The following LRRC4C variants were observed in gnomAD, a reference collection of about 807,000 sequenced individuals.
LRRC4C encodes the protein leucine-rich repeat-containing protein 4C.
Under a neutral mutation model 33.6 loss-of-function variants are expected in LRRC4C, and 5 were observed. The ratio of observed to expected loss-of-function variants is 0.15; its 90% CI spans 0.08 to 0.31. The LOEUF (loss-of-function observed/expected upper bound fraction) is 0.31, where lower values mean the gene tolerates loss of function less well. Ranked by LOEUF, LRRC4C falls within the 10% of genes least tolerant of loss-of-function variation. The pLI, the probability that LRRC4C is intolerant of heterozygous loss-of-function variation, is 1.00. For missense variants in LRRC4C, 560 were observed against 796.7 expected, an observed-to-expected ratio of 0.70 and a Z score of 3.58; for synonymous variants, 329 against 302.0, an observed-to-expected ratio of 1.09 and a Z score of -0.93.
chr11:40,290,128 G>C (rs577882440), intron 4 of LRRC4C, among the ~76,000 whole-genome samples: 5 of 152,230 alleles, frequency 3.3e-5, no homozygotes, highest in Non-Finnish European at 7.4e-5. Flanking sequence ...GTGAAGCCAG[G>C]AACTCAACTA....
chr11:41,163,729 A>G (rs1016569256), intron 1 of LRRC4C, among the ~76,000 whole-genome samples: 5 of 151,872 alleles, frequency 3.3e-5, no homozygotes, highest in Admixed American at 6.6e-5. Flanking sequence ...CTCCTGCCTC[A>G]GCTTTCTGAG....
intron 4 of LRRC4C, among the ~76,000 whole-genome samples, chr11:40,247,337 A>G (rs1866422521): frequency 1.3e-5 from 2 of 152,142 alleles, no homozygotes; most frequent in African/African-American, 2.4e-5. Flanking sequence ...GCCTACCAGG[A>G]AGGCTAGAAT....
intron 3 of LRRC4C, among the ~76,000 whole-genome samples, chr11:40,607,738 C>A (rs1456240723): frequency 6.6e-6 from 1 of 152,194 alleles, no homozygotes; most frequent in Non-Finnish European, 1.5e-5. Context: ...AGAAAGCCCT[C>A]TCTCCTTGTG....
chr11:41,378,558 C>T (rs756664861), intron 1 of LRRC4C, among the ~76,000 whole-genome samples: 2 of 152,060 alleles, frequency 1.3e-5, no homozygotes, highest in South Asian at 2.1e-4. Flanking sequence ...AATATCCATG[C>T]GGTATGCTCA....
At chr11:40,441,783 A>C (rs116248693) in intron 3 of LRRC4C, among the ~76,000 whole-genome samples, 2,282 of 152,318 alleles carry the variant, frequency 0.015, 37 homozygotes, top group African/African-American at 0.052. Context: ...ATGAATGTGA[A>C]AATTCTCCAG....
intron 2 of LRRC4C, among the ~76,000 whole-genome samples, chr11:40,764,505 A>G (rs1298209076): frequency 6.6e-6 from 1 of 152,136 alleles, no homozygotes; most frequent in African/African-American, 2.4e-5. Context: ...CCCAGACAGC[A>G]TTTTGGGATC....
At chr11:40,370,874 A>C (rs1326860544) in intron 3 of LRRC4C, among the ~76,000 whole-genome samples, 1 of 152,224 alleles carries the variant, frequency 6.6e-6, no homozygotes, top group Admixed American at 6.5e-5. Context: ...TTTTAAATTC[A>C]CTGCAGTTAT....
chr11:41,167,197 A>G (rs930514203), intron 1 of LRRC4C, among the ~76,000 whole-genome samples: 3 of 152,208 alleles, frequency 2.0e-5, no homozygotes, highest in Non-Finnish European at 2.9e-5. Flanking sequence ...AACACTTACT[A>G]GATCTTTCAT....
At chr11:41,392,746 G>C (rs1953653773) in intron 1 of LRRC4C, among the ~76,000 whole-genome samples, 1 of 151,808 alleles carries the variant, frequency 6.6e-6, no homozygotes, top group Non-Finnish European at 1.5e-5. Context: ...ATGTGATAAT[G>C]AGTGCAGAAA....
intron 2 of LRRC4C, among the ~76,000 whole-genome samples, chr11:40,808,301 A>G (rs1951338702): frequency 1.3e-5 from 2 of 152,084 alleles, no homozygotes; most frequent in Admixed American, 6.6e-5. Context: ...ATTATATGAT[A>G]ATGATAAATT....
intron 1 of LRRC4C, among the ~76,000 whole-genome samples, chr11:41,116,341 T>C (rs1942122606): frequency 6.6e-6 from 1 of 152,104 alleles, no homozygotes; most frequent in South Asian, 2.1e-4. Context: ...AGTTAATATA[T>C]ATATAGCATT....
At chr11:40,396,126 G>A (rs1214879871) in intron 3 of LRRC4C, among the ~76,000 whole-genome samples, 2 of 152,128 alleles carry the variant, frequency 1.3e-5, no homozygotes, top group Non-Finnish European at 2.9e-5. Context: ...ATTGTCTACA[G>A]GGTGGTCCTG....
intron 2 of LRRC4C, among the ~76,000 whole-genome samples, chr11:40,721,431 G>A (rs559846926): frequency 6.6e-6 from 1 of 152,284 alleles, no homozygotes; most frequent in African/African-American, 2.4e-5. Context: ...AGAAGTAAAT[G>A]TTTGTTGTTT....
At chr11:40,720,626 G>C (rs1453219684) in intron 2 of LRRC4C, among the ~76,000 whole-genome samples, 1 of 152,158 alleles carries the variant, frequency 6.6e-6, no homozygotes, top group East Asian at 1.9e-4. Context: ...TCACCTTCCA[G>C]GTAGCTAAAA....
At chr11:40,539,899 A>G (rs535786709) in intron 3 of LRRC4C, among the ~76,000 whole-genome samples, 2 of 152,320 alleles carry the variant, frequency 1.3e-5, no homozygotes, top group African/African-American at 2.4e-5. Flanking sequence ...AGAGATAGCA[A>G]ATGTGTAATC....
intron 1 of LRRC4C, among the ~76,000 whole-genome samples, chr11:41,440,209 G>T (rs1955569399): frequency 6.6e-6 from 1 of 151,900 alleles, no homozygotes. Flanking sequence ...GAGAGACATG[G>T]GTCCAGTTTC....
intron 3 of LRRC4C, among the ~76,000 whole-genome samples, chr11:40,591,040 A>T (rs1959028789): frequency 6.6e-6 from 1 of 152,020 alleles, no homozygotes; most frequent in Non-Finnish European, 1.5e-5. Flanking sequence ...TGTTTACCTA[A>T]GCACGCCTGG....
At chr11:40,486,582 T>C (rs796147917) in intron 3 of LRRC4C, among the ~76,000 whole-genome samples, 34 of 152,160 alleles carry the variant, frequency 2.2e-4, no homozygotes, top group African/African-American at 7.5e-4. Context: ...ATCAGGAAAT[T>C]AATTTTCTTA....
intron 2 of LRRC4C, among the ~76,000 whole-genome samples, chr11:40,835,019 A>T (rs1374089212): frequency 1.3e-5 from 2 of 151,784 alleles, no homozygotes; most frequent in African/African-American, 4.8e-5. Flanking sequence ...TATTCTCAAT[A>T]CATTGATTAT....
Sources: gnomAD v4.1 joint callset for allele counts (sites outside exome capture counted in the v4.1 genomes callset) on GRCh38, gnomAD v4.1.1 for gene constraint, MANE v1.5 for transcripts, NCBI Gene and HGNC (gene_info 2026-07-23, HGNC 2026-07-21) for gene names.